The following DDX50 variants were observed in gnomAD, a reference collection of about 807,000 sequenced individuals.
DDX50 encodes the protein ATP-dependent RNA helicase DDX50.
DDX50 carries 56 observed loss-of-function variants against 94.8 expected under a neutral mutation model. That is an observed-to-expected ratio of 0.59 (90% CI 0.48 to 0.74). The LOEUF is 0.74. Among genes scored for constraint, DDX50 ranks in the 30% least tolerant of loss-of-function variants. The pLI is 0.00. For synonymous variants in DDX50, 264 were observed against 295.4 expected, an observed-to-expected ratio of 0.89 and a Z score of 1.09; for missense variants, 713 against 881.2, an observed-to-expected ratio of 0.81 and a Z score of 2.42.
At chr10:68,929,280 CCTTCCTTCCTTCCT>C (rs1056323011) in intron 8 of DDX50, among the ~76,000 whole-genome samples, 3 of 93,012 alleles carry the variant, frequency 3.2e-5, no homozygotes, top group African/African-American at 3.9e-5. Flanking sequence ...TTCCTTCCTT[CCTTCCTTCCTTCCT>C]CTCTCTCTCT....
intron 4 of DDX50, 44 bp downstream of exon 4, chr10:68,911,290 G>C (rs1323775895): frequency 7.0e-7 from 1 of 1,431,934 alleles, no homozygotes; most frequent in East Asian, 2.5e-5. Context: ...TACTCTAACA[G>C]AAAGGGAAAG....
intron 8 of DDX50, among the ~76,000 whole-genome samples, chr10:68,923,937 CTTTTTTTTTTTTTT>C (rs56820953): frequency 2.4e-5 from 1 of 42,410 alleles, no homozygotes; most frequent in African/African-American, 1.0e-4. Flanking sequence ...AGATAGTCTG[CTTTTTTTTTTTTTT>C]TTTTTTTTTT....
chr10:68,906,642 T>G (rs975066206), intron 1 of DDX50, 69 bp from the exon 2 acceptor site: 1 of 1,548,006 alleles, frequency 6.5e-7, no homozygotes, highest in South Asian at 1.2e-5. Context: ...GGAGTCATGC[T>G]CTAACTTCTC....
chr10:68,908,984 T>TTTTG (rs756089643), intron 2 of DDX50, among the ~76,000 whole-genome samples: 2 of 151,958 alleles, frequency 1.3e-5, no homozygotes, highest in Non-Finnish European at 2.9e-5. Flanking sequence ...TATTGTTTAT[T>TTTTG]TTTGTTTGTT....
Position 68,925,094 on chromosome 10 carries a change from G to GT in DDX50, c.1239+5113_1239+5114insT, listed in dbSNP as rs752888119. On this transcript the variant is annotated intron_variant, in intron 8 of 14. Coordinates refer to ENST00000373585, the MANE Select transcript of DDX50 (RefSeq NM_024045.2). ...ACAAGAATTATCCTTCCCTGCTCAT[G>GT]GTTTTTTTTTTTTTTTTTTTTTTTT... Among the ~76,000 whole-genome samples, 852 of 88,990 alleles carry GT rather than the reference G, an allele frequency of 9.6e-3. 25 individuals are homozygous for GT. Among genetic ancestry groups the GT allele is most frequent in the South Asian group, 0.013 (32 of 2,528 alleles). The allele number at this position is 88,990 out of a possible 152,430, so 58.4% of individuals were successfully genotyped here. A position where few individuals can be genotyped will look rare whatever the true frequency, so the allele number is the denominator to read the frequency against.
intron 8 of DDX50, among the ~76,000 whole-genome samples, chr10:68,921,765 T>C (rs1841946873): frequency 6.6e-6 from 1 of 152,226 alleles, no homozygotes; most frequent in Non-Finnish European, 1.5e-5. Flanking sequence ...TATAAAATTC[T>C]TGGTTCACAT....
At chr10:68,925,197 G>A (rs988156986) in intron 8 of DDX50, among the ~76,000 whole-genome samples, 3 of 145,094 alleles carry the variant, frequency 2.1e-5, no homozygotes, top group South Asian at 2.2e-4. Flanking sequence ...TCTGCCTCCC[G>A]GGTTCAAGTG....
At chr10:68,918,025 A>G (rs1007740967) in intron 7 of DDX50, among the ~76,000 whole-genome samples, 9 of 151,982 alleles carry the variant, frequency 5.9e-5, no homozygotes, top group African/African-American at 1.7e-4. Flanking sequence ...CCGGGGTTCA[A>G]GCGATTCTCC....
chr10:68,911,328 A>C, intron 4 of DDX50, 82 bp downstream of exon 4: 1 of 1,388,452 alleles, frequency 7.2e-7, no homozygotes, highest in Non-Finnish European at 9.5e-7. Context: ...AAGTTCTAGT[A>C]CCCCCAAAAT....
intron 1 of DDX50, among the ~76,000 whole-genome samples, chr10:68,905,665 A>G (rs900584216): frequency 2.0e-5 from 3 of 152,234 alleles, no homozygotes; most frequent in Non-Finnish European, 2.9e-5. Flanking sequence ...TAATCCCACC[A>G]CTTTGGGAGG....
chr10:68,904,912 A>G (rs1279556935), intron 1 of DDX50, among the ~76,000 whole-genome samples: 1 of 152,260 alleles, frequency 6.6e-6, no homozygotes, highest in African/African-American at 2.4e-5. Context: ...TTTATGGATG[A>G]GAAAATTATA....
Position 68,936,975 on chromosome 10 carries a change from C to T in DDX50, c.1635C>T (p.Phe545=), listed in dbSNP as rs1335900160. The change falls in exon 12 of 15, where the codon TTC becomes TTT. Residue 545 remains phenylalanine, a synonymous_variant. Transcript: ENST00000373585. The stretch of plus-strand genomic sequence containing the variant: ...TTTCTTACGCTGCTGTTGATTTTTT[C>T]CGACCATCAGCTCAGAGACTGATAG... ...ASVSYAAVDF[F]RPSAQRLIEE... is the part of the protein sequence containing the mutation. 1.2e-6 allele frequency: 2 copies of T among 1,608,666 alleles called. No individual in the cohort carries two copies. Among genetic ancestry groups the T allele is most frequent in the Non-Finnish European group, 8.5e-7 (1 of 1,177,986 alleles).
chr10:68,932,994 A>G (rs895162143), intron 8 of DDX50, among the ~76,000 whole-genome samples: 6 of 152,092 alleles, frequency 3.9e-5, no homozygotes, highest in African/African-American at 1.2e-4. Flanking sequence ...TCCTACTGAA[A>G]TATACAGATA....
intron 13 of DDX50, 116 bp from the exon 14 acceptor site, chr10:68,943,093 GTTAC>G (rs1214225589): frequency 2.4e-6 from 2 of 842,642 alleles, no homozygotes; most frequent in East Asian, 5.1e-5. Flanking sequence ...ACTGTGTTTA[GTTAC>G]TTTTTAAATT....
At chr10:68,936,856 C>A in intron 11 of DDX50, 80 bp from the exon 12 acceptor site, 5 of 1,370,522 alleles carry the variant, frequency 3.6e-6, no homozygotes, top group Non-Finnish European at 4.9e-6. Context: ...AAAAAAATTA[C>A]TCCTTCTTTT....
chr10:68,914,348 T>C (rs1841721215), intron 7 of DDX50, 144 bp downstream of exon 7: 1 of 883,544 alleles, frequency 1.1e-6, no homozygotes, highest in Admixed American at 3.2e-5. Flanking sequence ...TATATTTTTA[T>C]AGTCTGAGAC....
At chr10:68,913,972 AT>A in intron 6 of DDX50, 86 bp from the exon 7 acceptor site, 9 of 1,263,926 alleles carry the variant, frequency 7.1e-6, no homozygotes, top group South Asian at 1.7e-5. Context: ...ATTTTTCATT[AT>A]TTTTTTGAAG....
intron 2 of DDX50, among the ~76,000 whole-genome samples, chr10:68,907,944 A>T (rs747301819): frequency 6.6e-6 from 1 of 152,224 alleles, no homozygotes; most frequent in Non-Finnish European, 1.5e-5. Flanking sequence ...TACTTAAAGG[A>T]ATTTATCCTA....
In DDX50 at chr10:68,935,066, A is replaced by G. The variant is rs1416086820; in HGVS notation, c.1521+148A>G. On this transcript the variant is annotated intron_variant, in intron 10 of 14. Transcript: ENST00000373585. ...GTGAAGCCTGTGGAGATCTAAATTT[A>G]TATTAGCTTCAAGACTTTAATACAG... The G allele has an allele frequency of 8.2e-6, 8 of 977,046 alleles. No individual in the cohort carries two copies. In the African/African-American group the frequency reaches 1.0e-4, roughly 12 times the overall value. The allele number at this position is 977,046 out of a possible 1,614,324, so 60.5% of individuals were successfully genotyped here. A position where few individuals can be genotyped will look rare whatever the true frequency, so the allele number is the denominator to read the frequency against.
Sources: gnomAD v4.1 joint callset for allele counts (sites outside exome capture counted in the v4.1 genomes callset) on GRCh38, gnomAD v4.1.1 for gene constraint, MANE v1.5 for transcripts, NCBI Gene and HGNC (gene_info 2026-07-23, HGNC 2026-07-21) for gene names.